Variants in CNKSR2 observed in about 807,000 individuals in gnomAD.
CNKSR2 encodes CNK homolog protein 2.
In CNKSR2, 14 loss-of-function variants were observed where a neutral mutation model predicts 84.4. The ratio of observed to expected loss-of-function variants is 0.17; its 90% CI spans 0.11 to 0.26. The LOEUF (loss-of-function observed/expected upper bound fraction) is 0.26. CNKSR2 is among the 10% of genes least tolerant of loss of function. The pLI, the probability that CNKSR2 is intolerant of heterozygous loss-of-function variation, is 1.00. For synonymous variants in CNKSR2, 275 were observed against 277.9 expected (o/e 0.99, Z 0.10); for missense variants, 485 against 771.2 (o/e 0.63, Z 4.40).
rs941117168 is a variant in CNKSR2, at chrX:21,470,762, T to C, written c.520-4T>C. 5.1e-6 allele frequency: 5 copies of C among 974,929 alleles called. No individual in the cohort carries two copies. The highest frequency in any genetic ancestry group is 7.0e-6 in the Non-Finnish European group (5 of 714,786). The allele number at this position is 974,929 out of a possible 1,213,427, so 80.3% of individuals were successfully genotyped here. A position where few individuals can be genotyped will look rare whatever the true frequency, so the allele number is the denominator to read the frequency against. ...ATCTAATGTATATGGTTCTTTTTTT[T>C]CAGGATTGTACTGTATATGAAACAG... is the stretch of plus-strand genomic sequence containing the variant. On this transcript the variant is annotated splice_region_variant and splice_polypyrimidine_tract_variant and intron_variant, in intron 4 of 21. Transcript: ENST00000379510.
At chrX:21,651,513 T>G (rs2092720893) in intron 21 of CNKSR2, among the ~76,000 whole-genome samples, 1 of 111,562 alleles carries the variant, frequency 9.0e-6, no homozygotes, top group Non-Finnish European at 1.9e-5. Flanking sequence ...TTTCTTTGCC[T>G]CCCAACTCTG....
intron 20 of CNKSR2, among the ~76,000 whole-genome samples, chrX:21,621,673 C>T (rs1280254275): frequency 9.0e-6 from 1 of 110,948 alleles, no homozygotes; most frequent in Non-Finnish European, 1.9e-5. Flanking sequence ...TAATGTCATT[C>T]AGCCCATATT....
chrX:21,437,893 T>A (rs1229826511), intron 3 of CNKSR2, among the ~76,000 whole-genome samples: 2 of 111,627 alleles, frequency 1.8e-5, no homozygotes, highest in Non-Finnish European at 3.8e-5. Context: ...ACAGTTGGTT[T>A]CTGCTTACAA....
chrX:21,556,111 A>T (rs1255196019), intron 11 of CNKSR2, among the ~76,000 whole-genome samples: 1 of 110,815 alleles, frequency 9.0e-6, no homozygotes, highest in Non-Finnish European at 1.9e-5. Context: ...AATTAGAAGG[A>T]AGGAAAGGGA....
At chrX:21,376,839 C>T (rs2089824779) in intron 1 of CNKSR2, among the ~76,000 whole-genome samples, 1 of 111,679 alleles carries the variant, frequency 9.0e-6, no homozygotes, top group Non-Finnish European at 1.9e-5. Context: ...TCAGTCTCCA[C>T]CTCCCACCCT....
At chrX:21,521,788 C>G (rs1460802284) in intron 9 of CNKSR2, among the ~76,000 whole-genome samples, 2 of 110,510 alleles carry the variant, frequency 1.8e-5, no homozygotes, top group African/African-American at 6.5e-5. Flanking sequence ...GAAAAAAACA[C>G]TTGTTTTCTC....
At chrX:21,599,576 G>A (rs982224862) in intron 17 of CNKSR2, among the ~76,000 whole-genome samples, 1 of 111,183 alleles carries the variant, frequency 9.0e-6, no homozygotes, top group Admixed American at 9.6e-5. Flanking sequence ...TGTTGGTGAG[G>A]CTGGTTTCGA....
chrX:21,598,026 T>TACAC (rs767891432), intron 17 of CNKSR2, among the ~76,000 whole-genome samples: 1 of 103,726 alleles, frequency 9.6e-6, no homozygotes. Flanking sequence ...TATATATATA[T>TACAC]ACACACACAC....
At chrX:21,425,710 G>A (rs1272897466) in intron 1 of CNKSR2, 1 of 111,454 alleles carries the variant, frequency 9.0e-6, no homozygotes, top group African/African-American at 3.3e-5. Flanking sequence ...TATTAGTCCA[G>A]TTCATCATTT....
chrX:21,631,063 C>G (rs1243140493), intron 20 of CNKSR2, among the ~76,000 whole-genome samples: 1 of 110,773 alleles, frequency 9.0e-6, no homozygotes, highest in Non-Finnish European at 1.9e-5. Flanking sequence ...GGCCCAGTGG[C>G]TCATACCCAG....
intron 3 of CNKSR2, among the ~76,000 whole-genome samples, chrX:21,438,425 T>C (rs758436146): frequency 8.1e-4 from 90 of 111,716 alleles, no homozygotes; most frequent in African/African-American, 2.7e-3. Context: ...GAAAACAATA[T>C]GTTAAAACCA....
intron 1 of CNKSR2, among the ~76,000 whole-genome samples, chrX:21,390,268 G>T (rs1380128235): frequency 9.0e-6 from 1 of 111,222 alleles, no homozygotes; most frequent in African/African-American, 3.3e-5. Flanking sequence ...TTTACTTAGG[G>T]CAGATATTTA....
chrX:21,473,534 T>G (rs964436235), intron 5 of CNKSR2, among the ~76,000 whole-genome samples: 1 of 109,347 alleles, frequency 9.1e-6, no homozygotes, highest in African/African-American at 3.4e-5. Flanking sequence ...TACCATTTTC[T>G]ATCTCGGTGA....
At chrX:21,520,201 A>G (rs1004591041) in intron 9 of CNKSR2, among the ~76,000 whole-genome samples, 1 of 111,401 alleles carries the variant, frequency 9.0e-6, no homozygotes, top group Non-Finnish European at 1.9e-5. Context: ...TGATTTCTCA[A>G]ATATTTTGTG....
At chrX:21,534,150 T>A (rs1363617102) in intron 11 of CNKSR2, among the ~76,000 whole-genome samples, 1 of 110,256 alleles carries the variant, frequency 9.1e-6, no homozygotes, top group Non-Finnish European at 1.9e-5. Context: ...GAGCTCAAAG[T>A]TTTTAGTTCC....
intron 1 of CNKSR2, among the ~76,000 whole-genome samples, chrX:21,416,382 A>G (rs1359893411): frequency 9.0e-6 from 1 of 111,132 alleles, no homozygotes; most frequent in Non-Finnish European, 1.9e-5. Context: ...TATTCATCAG[A>G]TATATTGGCC....
chrX:21,404,231 A>T (rs1315352492), intron 1 of CNKSR2, among the ~76,000 whole-genome samples: 2 of 111,489 alleles, frequency 1.8e-5, no homozygotes, highest in Non-Finnish European at 3.8e-5. Flanking sequence ...AGCAGGAGAA[A>T]GGGGGATGAT....
chrX:21,409,636 G>C (rs2090315185), intron 1 of CNKSR2, among the ~76,000 whole-genome samples: 1 of 110,510 alleles, frequency 9.0e-6, no homozygotes. Flanking sequence ...ATTTGATAAG[G>C]AACATGAACT....
At chrX:21,408,910 A>G (rs1446198888) in intron 1 of CNKSR2, among the ~76,000 whole-genome samples, 1 of 110,200 alleles carries the variant, frequency 9.1e-6, no homozygotes, top group East Asian at 2.9e-4. Context: ...TTGGGTTGCC[A>G]ACAATATGAA....
Sources: allele counts gnomAD v4.1 joint callset (sites outside exome capture counted in the v4.1 genomes callset), GRCh38; gene constraint gnomAD v4.1.1; transcripts MANE v1.5; gene names NCBI Gene and HGNC (gene_info 2026-07-23, HGNC 2026-07-21).